The following AGL variants were observed in gnomAD, a reference collection of about 807,000 sequenced individuals.
The protein encoded by AGL is amylo-alpha-1,6-glucosidase and 4-alpha-glucanotransferase.
AGL carries 128 observed loss-of-function variants against 199.3 expected under a neutral mutation model. That is an observed-to-expected ratio of 0.64 (90% confidence interval 0.56 to 0.74). AGL has a LOEUF of 0.74. Among genes scored for constraint, AGL ranks in the 30% least tolerant of loss-of-function variants. The pLI, the probability that AGL is intolerant of heterozygous loss-of-function variation, is 0.00. For synonymous variants in AGL, 584 were observed against 594.7 expected, an observed-to-expected ratio of 0.98 and a Z score of 0.26; for missense variants, 1,809 against 1,820.8, an observed-to-expected ratio of 0.99 and a Z score of 0.12.
intron 4 of AGL, 21 bp downstream of exon 4, chr1:99,862,444 T>C (rs763424508): frequency 1.1e-5 from 17 of 1,612,584 alleles, no homozygotes; most frequent in Non-Finnish European, 1.1e-5. Flanking sequence ...CTTGCTTTCT[T>C]TTTCTTATTT....
rs1419528550 is a variant in AGL at position 99,923,547 on chromosome 1, T to G, written c.*1896T>G. ...AGGATATTGTGTTGCACTAGAAAACTAAGTGGTTCATATTTCTAATGAGGA... is the reference window on the plus strand; with the variant it reads ...AGGATATTGTGTTGCACTAGAAAACGAAGTGGTTCATATTTCTAATGAGGA... On this transcript the variant is annotated 3_prime_UTR_variant, in exon 34 of 34. Transcript: ENST00000361915. The G allele has an allele frequency of 6.6e-6, 1 of 152,182 alleles. No individual in the cohort carries two copies. The highest frequency in any genetic ancestry group is 2.4e-5 in the African/African-American group (1 of 41,450). The allele number at this position is 152,182 out of a possible 1,614,324, so 9.4% of individuals were successfully genotyped here. A position where few individuals can be genotyped will look rare whatever the true frequency, so the allele number is the denominator to read the frequency against.
chr1:99,913,554 A>G lies in AGL; in HGVS notation c.3977A>G (p.Glu1326Gly), dbSNP rs1654902364. The G allele has an allele frequency of 1.2e-6, 2 of 1,613,888 alleles. No individual in the cohort carries two copies. Among genetic ancestry groups the G allele is most frequent in the Non-Finnish European group, 1.7e-6 (2 of 1,179,884 alleles). Residue 1326 changes from glutamate to glycine, a missense_variant, in exon 30 of 34, where the codon GAG becomes GGG. Transcript: ENST00000361915. ...AAGGCTATAAAGGTCTCATATGATGAGTGGAACAGAAAAATACAAGACAAC... is the reference window on the plus strand; with the variant it reads ...AAGGCTATAAAGGTCTCATATGATGGGTGGAACAGAAAAATACAAGACAAC... ...HGKAIKVSYD[E>G]WNRKIQDNFE... is the part of the protein sequence containing the mutation.
At chr1:99,907,680 G>GTTTTTTTTTTT (rs1553191673) in intron 27 of AGL, among the ~76,000 whole-genome samples, 1 of 46,990 alleles carries the variant, frequency 2.1e-5, no homozygotes, top group African/African-American at 6.4e-5. Context: ...TTGTTCGTTT[G>GTTTTTTTTTTT]TTTTTGTTTT....
chr1:99,913,708 C>T lies in AGL; in HGVS notation c.4131C>T (p.Leu1377=), dbSNP rs751505814. 1.2e-6 allele frequency: 2 copies of T among 1,614,104 alleles called. No individual in the cohort carries two copies. The highest frequency in any genetic ancestry group is 1.7e-6 in the Non-Finnish European group (2 of 1,179,990). ...CAAGTCCTTGGTGTGACTATCAGCT[C>T]AGGCCTAATTTTACCATAGCAATGG... The part of the protein sequence containing the change: ...GASSPWCDYQ[L]RPNFTIAMVV... The change falls in exon 30 of 34, where the codon CTC becomes CTT. Residue 1377 remains leucine, a synonymous_variant. Coordinates refer to ENST00000361915, the MANE Select transcript of AGL (RefSeq NM_000642.3).
chr1:99,912,826 A>G lies in AGL; in HGVS notation c.3949+309A>G, dbSNP rs565637200. The stretch of plus-strand genomic sequence containing the variant: ...CAATCTTTACATGTCTTTTTCTAGA[A>G]TAGTGCTGTCCAAAATAATGTGAAC... On this transcript the variant is annotated intron_variant, in intron 29 of 33. Coordinates refer to ENST00000361915, the MANE Select transcript of AGL (RefSeq NM_000642.3). Among the ~76,000 whole-genome samples the G allele has an allele frequency of 1.3e-3, 192 of 152,344 alleles. 1 individual carries two copies. The highest frequency in any genetic ancestry group is 4.5e-3 in the African/African-American group (188 of 41,566).
intron 20 of AGL, among the ~76,000 whole-genome samples, chr1:99,886,372 A>G (rs760834377): frequency 6.6e-6 from 1 of 152,150 alleles, no homozygotes; most frequent in Non-Finnish European, 1.5e-5. Flanking sequence ...ACAGCTGTTC[A>G]GGAAGCTGAG....
At chr1:99,854,975 C>T (rs765968025) in intron 2 of AGL, among the ~76,000 whole-genome samples, 6 of 151,906 alleles carry the variant, frequency 3.9e-5, no homozygotes, top group Admixed American at 6.5e-5. Context: ...CCAAGGCAGG[C>T]GGATCACCTG....
At chr1:99,874,611 A>G (rs1651338774) in intron 7 of AGL, 76 bp from the exon 8 acceptor site, 1 of 1,414,636 alleles carries the variant, frequency 7.1e-7, no homozygotes, top group East Asian at 2.4e-5. Flanking sequence ...TTATAGGCCA[A>G]AAATTAGAAA....
At chr1:99,894,468 G>A (rs1010418718) in intron 24 of AGL, among the ~76,000 whole-genome samples, 1 of 152,118 alleles carries the variant, frequency 6.6e-6, no homozygotes, top group Admixed American at 6.5e-5. Flanking sequence ...ATGGCACAGA[G>A]TGCTATATAT....
Position 99,861,554 on chromosome 1 carries a change from C to G in AGL, c.134C>G (p.Thr45Ser). Residue 45 changes from threonine (T) to serine (S), a missense_variant, in exon 3 of 34, where the codon ACC (threonine) becomes AGC (serine). Coordinates refer to ENST00000361915, the MANE Select transcript of AGL (RefSeq NM_000642.3). Reference protein sequence around the residue: ...LGPTLQGKAVTVYTNYPFPGE... With the variant: ...LGPTLQGKAVSVYTNYPFPGE... Reference sequence around the variant, plus strand: ...CCAACTTTACAGGGAAAAGCAGTTACCGTGTATACAAATTACCCATTTCCT... The same window carrying G: ...CCAACTTTACAGGGAAAAGCAGTTAGCGTGTATACAAATTACCCATTTCCT... The G allele has an allele frequency of 1.9e-6, 3 of 1,613,918 alleles. No individual in the cohort carries two copies. The highest frequency in any genetic ancestry group is 2.5e-6 in the Non-Finnish European group (3 of 1,179,942).
At chr1:99,901,578 G>C (rs1023326691) in intron 26 of AGL, among the ~76,000 whole-genome samples, 1 of 152,050 alleles carries the variant, frequency 6.6e-6, no homozygotes, top group Non-Finnish European at 1.5e-5. Flanking sequence ...ATTATGGAAA[G>C]GGTGAGCCAG....
intron 7 of AGL, 89 bp downstream of exon 7, chr1:99,870,958 A>C (rs1650946447): frequency 1.3e-6 from 1 of 782,482 alleles, no homozygotes; most frequent in Admixed American, 2.3e-5. Context: ...CGTCATTATT[A>C]AATATGTCAT....
At chr1:99,876,652 CAAAATAAAATCTGCTTTA>C (rs1253531579) in intron 11 of AGL, 55 bp downstream of exon 11, 1 of 1,593,430 alleles carries the variant, frequency 6.3e-7, no homozygotes, top group Non-Finnish European at 8.6e-7. Context: ...ATGGCAAGGT[CAAAATAAAATCTGCTTTA>C]CTGATTTTCT....
intron 24 of AGL, among the ~76,000 whole-genome samples, chr1:99,894,603 G>A (rs559766724): frequency 6.6e-6 from 1 of 152,144 alleles, no homozygotes; most frequent in Non-Finnish European, 1.5e-5. Flanking sequence ...CCGTCATTTT[G>A]GAGACAACAT....
Position 99,916,623 on chromosome 1 carries a change from T to A in AGL, c.4373T>A (p.Phe1458Tyr), listed in dbSNP as rs1422785363. The A allele has an allele frequency of 6.2e-7, 1 of 1,613,476 alleles. No homozygotes were observed. Among genetic ancestry groups the A allele is most frequent in the Admixed American group, 1.7e-5 (1 of 59,882 alleles). Reference sequence around the variant, plus strand: ...GAGTGGCTGTGGCCTATTGGGTATTTTCTTCGTGCAAAATTATATTTTTCC... The same window carrying A: ...GAGTGGCTGTGGCCTATTGGGTATTATCTTCGTGCAAAATTATATTTTTCC... ...GPEWLWPIGY[F>Y]LRAKLYFSRL... The change falls in exon 33 of 34, where the codon TTT (phenylalanine) becomes TAT (tyrosine). Residue 1458 changes from phenylalanine (F) to tyrosine (Y), a missense_variant. Transcript: ENST00000361915.
intron 28 of AGL, among the ~76,000 whole-genome samples, chr1:99,911,988 C>T (rs542807095): frequency 6.6e-6 from 1 of 152,114 alleles, no homozygotes; most frequent in Non-Finnish European, 1.5e-5. Flanking sequence ...CTATTTGGTA[C>T]ATTAGATCCT....
At chr1:99,889,900 T>A (rs1652745940) in intron 21 of AGL, among the ~76,000 whole-genome samples, 1 of 152,230 alleles carries the variant, frequency 6.6e-6, no homozygotes, top group Non-Finnish European at 1.5e-5. Context: ...GCAGGCCACA[T>A]ATTTCCAGCA....
chr1:99,913,531 G>A lies in AGL; in HGVS notation c.3954G>A (p.Lys1318=). The A allele has an allele frequency of 1.2e-6, 2 of 1,611,232 alleles. No homozygotes were observed. Among genetic ancestry groups the A allele is most frequent in the Non-Finnish European group, 8.5e-7 (1 of 1,177,790 alleles). ...YHEVTVKRHG[K]AIKVSYDEWN... ...ATGTCTTATGTCATTTTTCAGGAAA[G>A]GCTATAAAGGTCTCATATGATGAGT... is the stretch of plus-strand genomic sequence containing the variant. The change falls in exon 30 of 34, where the codon AAG becomes AAA. Residue 1318 remains lysine (K), a synonymous_variant. Transcript: ENST00000361915.
At chr1:99,863,054 C>T (rs1211551270) in intron 4 of AGL, among the ~76,000 whole-genome samples, 6 of 152,062 alleles carry the variant, frequency 3.9e-5, no homozygotes, top group Non-Finnish European at 8.8e-5. Context: ...ATTTTCCTGC[C>T]TCAGCCTCCT....
Sources: allele counts gnomAD v4.1 joint callset (sites outside exome capture counted in the v4.1 genomes callset), GRCh38; gene constraint gnomAD v4.1.1; transcripts MANE v1.5; gene names NCBI Gene and HGNC (gene_info 2026-07-23, HGNC 2026-07-21).